EXOC3L4: variants seen among roughly 807,000 people sequenced by gnomAD.
EXOC3L4 encodes exocyst complex component 3 like 4, also known as exocyst complex component 3-like protein 4.
A neutral mutation model predicts 69.7 loss-of-function variants in EXOC3L4; 62 were observed. That is an observed-to-expected ratio of 0.89 (90% CI 0.72 to 1.10). EXOC3L4 has a LOEUF of 1.10. Among genes scored for constraint, EXOC3L4 ranks in the 50% least tolerant of loss-of-function variants. The pLI is 0.00. For synonymous variants in EXOC3L4, 502 were observed against 464.2 expected (o/e 1.08, Z -1.05); for missense variants, 1,087 against 1,034.8 (o/e 1.05, Z -0.69).
At position 103,110,165 on chromosome 14, in the gene EXOC3L4, T is replaced by C. The variant is rs1890851980; in HGVS notation, c.2111T>C (p.Val704Ala). The C allele has an allele frequency of 6.5e-7, 1 of 1,538,616 alleles. No homozygotes were observed. Among genetic ancestry groups the C allele is most frequent in the Middle Eastern group, 1.7e-4 (1 of 5,940 alleles). The change falls in exon 12 of 12, where the codon GTG (valine) becomes GCG (alanine). Residue 704 changes from valine (V) to alanine (A), a missense_variant. Transcript: ENST00000688303. ...GGTGCGGAGGCCCCTCGGGGCCGCG[T>C]GCTCTTCGAGGAGATCAAGGTGCCC... ...AAGAEAPRGRVLFEEIKVPSA... is the reference protein window; with the variant it reads ...AAGAEAPRGRALFEEIKVPSA...
rs2139479214 is a variant in EXOC3L4, at chr14:103,102,108, G to T, written c.395-10G>T. 6.3e-7 allele frequency: 1 copy of T among 1,595,452 alleles called. No individual in the cohort carries two copies. Among genetic ancestry groups the T allele is most frequent in the African/African-American group, 1.3e-5 (1 of 74,490 alleles). On this transcript the variant is annotated splice_polypyrimidine_tract_variant and intron_variant, in intron 2 of 11. Transcript: ENST00000688303. ...GTCCCTCTCACCGCCCTTCTCGCCC[G>T]CCTGTGCAGAAGGCAAATCCGTGGC...
At chr14:103,100,103 T>C (rs1890086824) in intron 1 of EXOC3L4, 101 bp from the exon 2 acceptor site, 10 of 1,306,014 alleles carry the variant, frequency 7.7e-6, no homozygotes, top group Non-Finnish European at 9.2e-6. Context: ...CTGCCTCCTC[T>C]GGAGAGCCTT....
In EXOC3L4 at chr14:103,105,073, G is replaced by A; in HGVS notation, c.1466+1G>A. On this transcript the variant is annotated splice_donor_variant, in intron 7 of 11. Coordinates refer to ENST00000688303, the MANE Select transcript of EXOC3L4 (RefSeq NM_001077594.2). LOFTEE classifies it high-confidence loss of function. ...ACATCAACGCCTGCGAGGAGCTCAG[G>A]TAGGGCTCGCCCGCTCCTGTGCGGG... The A allele has an allele frequency of 1.9e-6, 3 of 1,601,910 alleles. No individual in the cohort carries two copies. The South Asian group carries it at 3.3e-5, about 18-fold the overall frequency.
At chr14:103,104,087 C>T in intron 4 of EXOC3L4, 35 bp downstream of exon 4, 1 of 1,509,072 alleles carries the variant, frequency 6.6e-7, no homozygotes, top group Non-Finnish European at 8.8e-7. Flanking sequence ...GCGGGCCAGG[C>T]TGGAGGGGGC....
intron 8 of EXOC3L4, 66 bp downstream of exon 8, chr14:103,106,965 CTGGGGG>C: frequency 7.7e-7 from 1 of 1,301,282 alleles, no homozygotes; most frequent in Non-Finnish European, 1.1e-6. Flanking sequence ...TTCCTAGAGC[CTGGGGG>C]CCCAGGTCAC....
In EXOC3L4 at chr14:103,102,260, T is replaced by C. The variant is rs1366369351; in HGVS notation, c.537T>C (p.Ala179=). Reference sequence around the variant, plus strand: ...ACCCTACGGCCTTCGCGCGGCGCGCTATGGACGTGTGCCTGCTTTACGACG... The same window carrying C: ...ACCCTACGGCCTTCGCGCGGCGCGCCATGGACGTGTGCCTGCTTTACGACG... The part of the protein sequence containing the change: ...EQDPTAFARR[A]MDVCLLYDGL... Residue 179 remains alanine, a synonymous_variant, in exon 3 of 12, where the codon GCT becomes GCC. Transcript: ENST00000688303. 6.3e-7 allele frequency: 1 copy of C among 1,587,056 alleles called. No individual in the cohort carries two copies. The highest frequency in any genetic ancestry group is 8.6e-7 in the Non-Finnish European group (1 of 1,169,006).
intron 3 of EXOC3L4, 34 bp from the exon 4 acceptor site, chr14:103,103,907 G>T: frequency 6.8e-7 from 1 of 1,476,488 alleles, no homozygotes; most frequent in Admixed American, 2.0e-5. Context: ...CATCAGAGCC[G>T]CTCCCGCCCC....
At chr14:103,094,416 G>A (rs1566942819), upstream of EXOC3L4, among the ~76,000 whole-genome samples, 3 of 152,252 alleles carry the variant, frequency 2.0e-5, no homozygotes, top group South Asian at 2.1e-4. Context: ...CGAGGCCAGC[G>A]CCTGCTTCCG....
At chr14:103,098,302 G>T (rs543299512) in intron 1 of EXOC3L4, among the ~76,000 whole-genome samples, 3 of 152,258 alleles carry the variant, frequency 2.0e-5, no homozygotes, top group Admixed American at 6.5e-5. Context: ...TCTCCGCCGG[G>T]AGGGGAGCTT....
At position 103,104,287 on chromosome 14, in the gene EXOC3L4, C is replaced by T. The variant is rs1478598635; in HGVS notation, c.1182C>T (p.Phe394=). Residue 394 remains phenylalanine, a synonymous_variant, in exon 5 of 12, where the codon TTC becomes TTT. Transcript: ENST00000688303. ...SFLEAKIASC[F]DSILQLEQSH... is the part of the protein sequence containing the mutation. ...CCCAGGCCAAGATCGCAAGCTGCTT[C>T]GACAGCATCTTGCAGCTGGAGCAGA... The T allele has an allele frequency of 8.1e-6, 13 of 1,595,746 alleles. No individual in the cohort carries two copies. The highest frequency in any genetic ancestry group is 2.3e-5 in the East Asian group (1 of 43,882).
chr14:103,103,347 T>C (rs531650773), intron 3 of EXOC3L4, among the ~76,000 whole-genome samples: 508 of 82,430 alleles, frequency 6.2e-3, no homozygotes, highest in Non-Finnish European at 7.9e-3. Context: ...AGAGCAAGAC[T>C]CTGTCTCAAA....
In EXOC3L4 at chr14:103,102,223, C is replaced by A. The variant is rs1209137232; in HGVS notation, c.500C>A (p.Thr167Asn). 2 of 1,591,606 alleles carry A rather than the reference C, an allele frequency of 1.3e-6. No homozygotes were observed. The highest frequency in any genetic ancestry group is 2.7e-5 in the African/African-American group (2 of 74,388). The stretch of plus-strand genomic sequence containing the variant: ...CTGGTGGCCGAGAAGGCCTCGCGCA[C>A]CTTTGAGCAGGACCCTACGGCCTTC... ...TLLVAEKASR[T>N]FEQDPTAFAR... The change falls in exon 3 of 12, where the codon ACC (threonine) becomes AAC (asparagine). Residue 167 changes from threonine (T) to asparagine (N), a missense_variant. Thr to Asn is a moderately conservative substitution (Grantham distance 65). Coordinates refer to ENST00000688303, the MANE Select transcript of EXOC3L4 (RefSeq NM_001077594.2).
Position 103,108,246 on chromosome 14 carries a change from G to C in EXOC3L4, c.1855-150G>C, listed in dbSNP as rs562115934. 96 of 1,209,188 alleles carry C rather than the reference G, an allele frequency of 7.9e-5. No homozygotes were observed. The African/African-American group carries it at 1.2e-3, about 15-fold the overall frequency. The allele number at this position is 1,209,188 out of a possible 1,614,324, so 74.9% of individuals were successfully genotyped here. On this transcript the variant is annotated intron_variant, in intron 10 of 11. Transcript: ENST00000688303. ...CCCAGGCACGCTCCCGTTCTGTTTT[G>C]GGGGAGGCAGTCCCGGCACCGAGCC...
rs150524993 is a variant in EXOC3L4, at chr14:103,105,183, AGT to A, written c.1466+124_1466+125del. On this transcript the variant is annotated intron_variant, in intron 7 of 11. Transcript: ENST00000688303. ...GCGCGTGGAGGGGGCAGAGGTGAGG[AGT>A]GTGTGTGTGTGTTTGTGTCTGTGTG... The A allele has an allele frequency of 2.5e-3, 2,535 of 1,022,520 alleles. 1 individual carries two copies. Among genetic ancestry groups the A allele is most frequent in the Non-Finnish European group, 2.8e-3 (1,977 of 712,394 alleles). 63.3% of individuals were successfully genotyped at this position (1,022,520 alleles called of 1,614,324 possible). A position where few individuals can be genotyped will look rare whatever the true frequency, so the allele number is the denominator to read the frequency against.
At chr14:103,109,909 C>G in intron 11 of EXOC3L4, 122 bp from the exon 12 acceptor site, 1 of 1,114,808 alleles carries the variant, frequency 9.0e-7, no homozygotes, top group Non-Finnish European at 1.3e-6. Flanking sequence ...TCTGACCTCC[C>G]TGACCATCCT....
chr14:103,102,475 G>T lies in EXOC3L4; in HGVS notation c.752G>T (p.Arg251Leu). 6.9e-7 allele frequency: 1 copy of T among 1,442,122 alleles called. No individual in the cohort carries two copies. The allele number at this position is 1,442,122 out of a possible 1,614,324, so 89.3% of individuals were successfully genotyped here. Reference protein sequence around the residue: ...WRQHWEEAVRRSAQERVRRPG... With the variant: ...WRQHWEEAVRLSAQERVRRPG... ...CAGCACTGGGAGGAGGCGGTGCGGC[G>T]AAGCGCTCAGGAGCGCGTGCGGCGG... The change falls in exon 3 of 12, where the codon CGA becomes CTA. Residue 251 changes from arginine to leucine, a missense_variant. Physicochemically the swap from Arg to Leu is moderately radical, Grantham distance 102 (BLOSUM62 -2). Transcript: ENST00000688303.
chr14:103,106,493 G>C (rs1481520169), intron 7 of EXOC3L4, among the ~76,000 whole-genome samples: 1 of 152,208 alleles, frequency 6.6e-6, no homozygotes, highest in Admixed American at 6.5e-5. Context: ...TCAGGGTAGG[G>C]TATGTTCCAG....
At chr14:103,106,334 C>T (rs1297238500) in intron 7 of EXOC3L4, among the ~76,000 whole-genome samples, 1 of 152,192 alleles carries the variant, frequency 6.6e-6, no homozygotes, top group Non-Finnish European at 1.5e-5. Flanking sequence ...GTTCTCTGCC[C>T]CTTGGTAGGC....
rs1472763667 is a variant in EXOC3L4 at position 103,102,542 on chromosome 14, G to C, written c.819G>C (p.Ser273=). ...GWAFGEAEGA[S]GLAQLLAELG... is the part of the protein sequence containing the mutation. ...CCTTCGGGGAGGCGGAGGGCGCGTC[G>C]GGTTTGGCCCAGCTTCTGGCCGAGC... The change falls in exon 3 of 12, where the codon TCG becomes TCC. Residue 273 remains serine, a synonymous_variant. Transcript: ENST00000688303. 7.1e-7 allele frequency: 1 copy of C among 1,413,626 alleles called. No homozygotes were observed. Among genetic ancestry groups the C allele is most frequent in the Non-Finnish European group, 9.2e-7 (1 of 1,087,472 alleles). 87.6% of individuals were successfully genotyped at this position (1,413,626 alleles called of 1,614,324 possible). A position where few individuals can be genotyped will look rare whatever the true frequency, so the allele number is the denominator to read the frequency against.
Sources: allele counts gnomAD v4.1 joint callset (sites outside exome capture counted in the v4.1 genomes callset), GRCh38; gene constraint gnomAD v4.1.1; transcripts MANE v1.5; gene names NCBI Gene and HGNC (gene_info 2026-07-23, HGNC 2026-07-21).